Variants in KCNQ3 observed in about 807,000 individuals in gnomAD.
KCNQ3 encodes potassium voltage-gated channel subfamily Q member 3.
Under a neutral mutation model 92.5 loss-of-function variants are expected in KCNQ3, and 30 were observed. The observed-to-expected ratio is 0.32, with a 90% CI of 0.24 to 0.44. The LOEUF is 0.44. Among genes scored for constraint, KCNQ3 ranks in the 20% least tolerant of loss-of-function variants. The pLI is 1.00. For synonymous variants in KCNQ3, 450 were observed against 468.8 expected (o/e 0.96, Z 0.52); for missense variants, 913 against 1,140.3 (o/e 0.80, Z 2.87).
intron 1 of KCNQ3, among the ~76,000 whole-genome samples, chr8:132,445,449 T>A (rs1235078514): frequency 6.6e-6 from 1 of 151,820 alleles, no homozygotes; most frequent in African/African-American, 2.4e-5. Context: ...ATTTCCCCCA[T>A]GCACCTGCCC....
chr8:132,399,246 G>A (rs1442852109), intron 1 of KCNQ3, among the ~76,000 whole-genome samples: 1 of 152,202 alleles, frequency 6.6e-6, no homozygotes, highest in Non-Finnish European at 1.5e-5. Context: ...TCTCACCTCT[G>A]TGAGCCCAGA....
intron 1 of KCNQ3, among the ~76,000 whole-genome samples, chr8:132,287,994 G>C (rs1435556591): frequency 1.1e-4 from 16 of 152,088 alleles, no homozygotes; most frequent in Non-Finnish European, 1.5e-5. Flanking sequence ...CTTTGGTCCT[G>C]GGTTGCCACC....
At position 132,121,726 on chromosome 8, in the gene KCNQ3, T is replaced by C. The variant is rs1824474684; in HGVS notation, c.*7536A>G. On this transcript the variant is annotated 3_prime_UTR_variant, in exon 15 of 15. Coordinates refer to ENST00000388996, the MANE Select transcript of KCNQ3 (RefSeq NM_004519.4). ...AGAGCTCAGAAATAAAGGTACAGTCTAGAGACAAAAGACCAGAGTCAGCAG... is the reference window on the plus strand; with the variant it reads ...AGAGCTCAGAAATAAAGGTACAGTCCAGAGACAAAAGACCAGAGTCAGCAG... The C allele has an allele frequency of 6.6e-6, 1 of 152,140 alleles. No homozygotes were observed. Among genetic ancestry groups the C allele is most frequent in the African/African-American group, 2.4e-5 (1 of 41,426 alleles). 9.4% of individuals were successfully genotyped at this position (152,140 alleles called of 1,614,324 possible).
chr8:132,184,536 G>A (rs902365664), intron 2 of KCNQ3, among the ~76,000 whole-genome samples, 169 bp from the exon 3 acceptor site: 3 of 152,248 alleles, frequency 2.0e-5, no homozygotes, highest in Non-Finnish European at 2.9e-5. Context: ...GGGAGAACAG[G>A]TCCATCACCG....
chr8:132,308,435 C>T (rs919766050), intron 1 of KCNQ3, among the ~76,000 whole-genome samples: 17 of 152,208 alleles, frequency 1.1e-4, no homozygotes, highest in African/African-American at 3.4e-4. Context: ...AGGGGAAAGG[C>T]TTGACAAGGG....
chr8:132,243,900 C>G (rs1815072876), intron 1 of KCNQ3, among the ~76,000 whole-genome samples: 1 of 152,182 alleles, frequency 6.6e-6, no homozygotes, highest in Non-Finnish European at 1.5e-5. Flanking sequence ...TATTATCATT[C>G]TTGGATTGTG....
chr8:132,428,426 C>G (rs1258918442), intron 1 of KCNQ3, among the ~76,000 whole-genome samples: 1 of 152,170 alleles, frequency 6.6e-6, no homozygotes, highest in Non-Finnish European at 1.5e-5. Context: ...CCATAATTAA[C>G]AAAAACAATT....
intron 2 of KCNQ3, among the ~76,000 whole-genome samples, chr8:132,185,709 C>G (rs1458123650): frequency 6.6e-6 from 1 of 152,096 alleles, no homozygotes; most frequent in Admixed American, 6.5e-5. Context: ...AATGAGAGAT[C>G]CTTGGAGTTT....
rs367587987 is a variant in KCNQ3 at position 132,129,916 on chromosome 8, C to T, written c.1965G>A (p.Thr655=). The T allele has an allele frequency of 1.8e-5, 29 of 1,614,006 alleles. No homozygotes were observed. Among genetic ancestry groups the T allele is most frequent in the East Asian group, 2.2e-5 (1 of 44,890 alleles). ...AGGTGCCCTTGGTTGGGTAATACTC[C>T]GTGACCTGCACCTGCAACCGTTCCA... The part of the protein sequence containing the change: ...QHMERLQVQV[T]EYYPTKGTSS... Residue 655 remains threonine (T), a synonymous_variant, in exon 15 of 15, where the codon ACG becomes ACA. Transcript: ENST00000388996. This position sits in a 1 kb window ranked among gnomAD's most constrained non-coding sequence, Gnocchi z 5.9.
intron 1 of KCNQ3, among the ~76,000 whole-genome samples, chr8:132,345,932 ATGATGATGATGATGG>A (rs1437380624): frequency 6.6e-6 from 1 of 151,908 alleles, no homozygotes; most frequent in East Asian, 1.9e-4. Context: ...CGTGATGATG[ATGATGATGATGATGG>A]TGATGATGAT....
chr8:132,458,008 C>A (rs1821981597), intron 1 of KCNQ3, among the ~76,000 whole-genome samples: 1 of 152,160 alleles, frequency 6.6e-6, no homozygotes, highest in South Asian at 2.1e-4. Flanking sequence ...ACGATGAGGT[C>A]TTTGAAGGTA....
chr8:132,128,834 C>A lies in KCNQ3; in HGVS notation c.*428G>T. ...CCTTGCTTTCAAAAACAGTTAATTG[C>A]TGGAGCGTTTTACACAAGAGGGCAG... On this transcript the variant is annotated 3_prime_UTR_variant, in exon 15 of 15. Coordinates refer to ENST00000388996, the MANE Select transcript of KCNQ3 (RefSeq NM_004519.4). The A allele has an allele frequency of 5.5e-6, 1 of 182,892 alleles. No individual in the cohort carries two copies. 11.3% of individuals were successfully genotyped at this position (182,892 alleles called of 1,614,324 possible). A position where few individuals can be genotyped will look rare whatever the true frequency, so the allele number is the denominator to read the frequency against.
chr8:132,128,454 A>T lies in KCNQ3; in HGVS notation c.*808T>A, dbSNP rs1040934345. On this transcript the variant is annotated 3_prime_UTR_variant, in exon 15 of 15. Transcript: ENST00000388996. ...TGCCCAGAGGGGCACTTCACTTCTG[A>T]TAAATTCCATTGTCCTTGGCTACAT... is the stretch of plus-strand genomic sequence containing the variant. 6.6e-6 allele frequency: 1 copy of T among 152,004 alleles called. No individual in the cohort carries two copies. The highest frequency in any genetic ancestry group is 2.4e-5 in the African/African-American group (1 of 41,330). 9.4% of individuals were successfully genotyped at this position (152,004 alleles called of 1,614,324 possible).
At chr8:132,181,215 A>G (rs2130162211) in intron 3 of KCNQ3, among the ~76,000 whole-genome samples, 1 of 152,290 alleles carries the variant, frequency 6.6e-6, no homozygotes, top group Admixed American at 6.5e-5. Flanking sequence ...ATCCTCTAGT[A>G]TGGAAGAGGG....
At chr8:132,237,024 A>T (rs1317422625) in intron 1 of KCNQ3, among the ~76,000 whole-genome samples, 2 of 152,204 alleles carry the variant, frequency 1.3e-5, no homozygotes, top group African/African-American at 4.8e-5. Context: ...TGAGGTGAGA[A>T]TGCAGCCTAG....
intron 9 of KCNQ3, among the ~76,000 whole-genome samples, chr8:132,156,758 AACATG>A (rs1352026128): frequency 1.3e-5 from 2 of 152,182 alleles, no homozygotes; most frequent in Non-Finnish European, 2.9e-5. Flanking sequence ...AATACTTGGG[AACATG>A]ACTTTATTTT....
At chr8:132,458,746 C>T (rs990353270) in intron 1 of KCNQ3, among the ~76,000 whole-genome samples, 1 of 152,240 alleles carries the variant, frequency 6.6e-6, no homozygotes, top group Non-Finnish European at 1.5e-5. Flanking sequence ...TGAGCCACTG[C>T]ACCTGGCCAT....
intron 1 of KCNQ3, among the ~76,000 whole-genome samples, chr8:132,216,066 T>A (rs1224559535): frequency 6.6e-6 from 1 of 152,040 alleles, no homozygotes; most frequent in East Asian, 1.9e-4. Context: ...TGCATAATAA[T>A]CTCCTCTCAT....
chr8:132,185,285 A>G (rs1205194589), intron 2 of KCNQ3, among the ~76,000 whole-genome samples: 5 of 152,232 alleles, frequency 3.3e-5, no homozygotes, highest in Admixed American at 3.3e-4. Flanking sequence ...GGGCCACACC[A>G]CTGCCCTGTG....
Sources: allele counts gnomAD v4.1 joint callset (sites outside exome capture counted in the v4.1 genomes callset), GRCh38; gene constraint gnomAD v4.1.1; non-coding constraint Gnocchi (gnomAD v3.1); transcripts MANE v1.5; gene names NCBI Gene and HGNC (gene_info 2026-07-23, HGNC 2026-07-21).